Variants in PHF20 observed in about 807,000 individuals in gnomAD.
PHF20 encodes PHD finger protein 20, also known as glioma-expressed antigen 2.
A neutral mutation model predicts 113.5 loss-of-function variants in PHF20; 23 were observed. The observed-to-expected ratio is 0.20, with a 90% CI of 0.15 to 0.29. The LOEUF (loss-of-function observed/expected upper bound fraction) is 0.29. Among genes scored for constraint, PHF20 ranks in the 10% least tolerant of loss-of-function variants. PHF20 has a pLI of 1.00. For synonymous variants in PHF20, 434 were observed against 457.3 expected (o/e 0.95, Z 0.65); for missense variants, 943 against 1,219.6 (o/e 0.77, Z 3.38).
At chr20:35,896,706 C>G (rs1049163941) in intron 9 of PHF20, among the ~76,000 whole-genome samples, 1 of 148,592 alleles carries the variant, frequency 6.7e-6, no homozygotes, top group Non-Finnish European at 1.5e-5. Flanking sequence ...GAGGCTGAGG[C>G]TGGAGAATCG....
In PHF20 at chr20:35,931,231, T is replaced by C. The variant is rs2055745925; in HGVS notation, c.2105-18T>C. 1.9e-6 allele frequency: 3 copies of C among 1,593,992 alleles called. No homozygotes were observed. The East Asian group carries it at 6.8e-5, about 36-fold the overall frequency. On this transcript the variant is annotated intron_variant, in intron 14 of 17. Transcript: ENST00000374012. ...TCCTTCAGGCCTTGTTTTAACCCTC[T>C]TGTTGTCACTGCTGTAGGTCAGAGG...
intron 13 of PHF20, among the ~76,000 whole-genome samples, chr20:35,922,295 A>T (rs992211982): frequency 6.6e-6 from 1 of 152,228 alleles, no homozygotes; most frequent in African/African-American, 2.4e-5. Flanking sequence ...TTTCTACTCA[A>T]TAACTTTATC....
chr20:35,861,386 A>T (rs991177053), intron 5 of PHF20, among the ~76,000 whole-genome samples: 2 of 152,170 alleles, frequency 1.3e-5, no homozygotes, highest in South Asian at 4.1e-4. Flanking sequence ...GTTTTTTATT[A>T]AACGTACGTG....
intron 2 of PHF20, among the ~76,000 whole-genome samples, chr20:35,841,889 C>T (rs1163770829): frequency 6.6e-6 from 1 of 152,176 alleles, no homozygotes; most frequent in Non-Finnish European, 1.5e-5. Flanking sequence ...GATTTATTGG[C>T]ACATGTAAAA....
At position 35,850,872 on chromosome 20, in the gene PHF20, C is replaced by A. The variant is rs937348870; in HGVS notation, c.340+3438C>A. ...CCTTGCCATTGTTTGCTGAATGCTTCGAACTTGGAGATGACTGAGTTTGTT... is the reference window on the plus strand; with the variant it reads ...CCTTGCCATTGTTTGCTGAATGCTTAGAACTTGGAGATGACTGAGTTTGTT... On this transcript the variant is annotated intron_variant, in intron 4 of 17. Coordinates refer to ENST00000374012, the MANE Select transcript of PHF20 (RefSeq NM_016436.5). 1.4e-5 allele frequency: 16 copies of A among 1,105,226 alleles called. No homozygotes were observed. The African/African-American group carries it at 2.5e-4, about 17-fold the overall frequency. 68.5% of individuals were successfully genotyped at this position (1,105,226 alleles called of 1,614,324 possible).
intron 2 of PHF20, among the ~76,000 whole-genome samples, chr20:35,803,226 T>G (rs1316618346): frequency 6.8e-6 from 1 of 146,504 alleles, no homozygotes; most frequent in Non-Finnish European, 1.5e-5. Flanking sequence ...CACTCCAGCC[T>G]GGGTGACTGA....
intron 12 of PHF20, chr20:35,917,117 G>A (rs993492079): frequency 5.4e-6 from 2 of 371,134 alleles, no homozygotes; most frequent in Non-Finnish European, 1.1e-5. Context: ...TGTAAGCCAG[G>A]TCCTGACTGG....
In PHF20 at chr20:35,899,581, C is replaced by A; in HGVS notation, c.1494C>A (p.Gly498=). 1 of 1,614,102 alleles carries A rather than the reference C, an allele frequency of 6.2e-7. No individual in the cohort carries two copies. The highest frequency in any genetic ancestry group is 8.5e-7 in the Non-Finnish European group (1 of 1,180,020). The change falls in exon 10 of 18, where the codon GGC becomes GGA. Residue 498 remains glycine (G), a synonymous_variant. Coordinates refer to ENST00000374012, the MANE Select transcript of PHF20 (RefSeq NM_016436.5). ...GAAAGAGGCATGTCCAAACCAGGGG[C>A]CCTTCAGCTTCAGACAAGCCCAGCC... ...SPGKRHVQTR[G]PSASDKPSQE... is the part of the protein sequence containing the mutation.
chr20:35,804,113 C>T (rs898123087), intron 2 of PHF20, among the ~76,000 whole-genome samples: 1 of 151,818 alleles, frequency 6.6e-6, no homozygotes, highest in Non-Finnish European at 1.5e-5. Flanking sequence ...CTAGCTCTGT[C>T]ACCCAGGCTG....
intron 9 of PHF20, among the ~76,000 whole-genome samples, chr20:35,895,399 C>T (rs562791296): frequency 3.4e-4 from 51 of 152,142 alleles, no homozygotes; most frequent in Non-Finnish European, 6.6e-4. Flanking sequence ...TGCAAGTGAT[C>T]TGCCCGCCTC....
At chr20:35,913,202 C>G in intron 10 of PHF20, 47 bp from the exon 11 acceptor site, 2 of 1,368,672 alleles carry the variant, frequency 1.5e-6, no homozygotes, top group Non-Finnish European at 2.1e-6. Context: ...AGCACCCCAG[C>G]ATTGAAAACA....
At chr20:35,844,542 ACC>A (rs1491549561) in intron 3 of PHF20, among the ~76,000 whole-genome samples, 36 of 81,346 alleles carry the variant, frequency 4.4e-4, no homozygotes, top group Admixed American at 1.8e-3. Flanking sequence ...CTTCACCATC[ACC>A]ACACACACAC....
Position 35,926,298 on chromosome 20 carries a change from C to T in PHF20, c.2005-1482C>T, listed in dbSNP as rs200416039. Among the ~76,000 whole-genome samples the T allele has an allele frequency of 4.1e-4, 50 of 123,126 alleles. 1 individual carries two copies. The East Asian group carries it at 0.011, about 26-fold the overall frequency. 80.8% of individuals were successfully genotyped at this position (123,126 alleles called of 152,430 possible). The stretch of plus-strand genomic sequence containing the variant: ...TGTGGCCCAGGTGGGAGTGCAGTGG[C>T]GCAATCTCGGCTCACTGCAAGCTCC... On this transcript the variant is annotated intron_variant, in intron 13 of 17. Coordinates refer to ENST00000374012, the MANE Select transcript of PHF20 (RefSeq NM_016436.5).
At position 35,832,117 on chromosome 20, in the gene PHF20, A is replaced by G. The variant is rs1209824433; in HGVS notation, c.84-10456A>G. Among the ~76,000 whole-genome samples, 2 of 151,918 alleles carry G rather than the reference A, an allele frequency of 1.3e-5. 1 individual carries two copies. The highest frequency in any genetic ancestry group is 4.2e-4 in the South Asian group (2 of 4,814). On this transcript the variant is annotated intron_variant, in intron 2 of 17. Transcript: ENST00000374012. ...CTCTGTACTATGCTGATTTACTCCT[A>G]TTACATCTTCTCTCAGAAACTCTCC... is the stretch of plus-strand genomic sequence containing the variant.
At chr20:35,843,351 C>G (rs1234787014) in intron 3 of PHF20, among the ~76,000 whole-genome samples, 1 of 151,008 alleles carries the variant, frequency 6.6e-6, no homozygotes, top group Non-Finnish European at 1.5e-5. Flanking sequence ...AACCCCACCT[C>G]TACTAAAAAT....
chr20:35,890,902 TAAAACAAAAC>T (rs2054836661), intron 9 of PHF20, among the ~76,000 whole-genome samples: 2 of 151,728 alleles, frequency 1.3e-5, no homozygotes, highest in African/African-American at 4.8e-5. Context: ...CAAACAACAA[TAAAACAAAAC>T]AAAACTAAAC....
At chr20:35,773,794 G>C (rs1244362434) in intron 1 of PHF20, among the ~76,000 whole-genome samples, 1 of 152,144 alleles carries the variant, frequency 6.6e-6, no homozygotes, top group Non-Finnish European at 1.5e-5. Context: ...ACAGGACTCT[G>C]AATCCTCCTG....
chr20:35,794,685 T>G (rs2041632838), intron 1 of PHF20, among the ~76,000 whole-genome samples: 1 of 152,144 alleles, frequency 6.6e-6, no homozygotes, highest in African/African-American at 2.4e-5. Context: ...GTTCCAGAGT[T>G]TATTTCCCTC....
chr20:35,931,144 C>T, intron 14 of PHF20, 105 bp from the exon 15 acceptor site: 1 of 760,426 alleles, frequency 1.3e-6, no homozygotes, highest in Non-Finnish European at 2.2e-6. Flanking sequence ...AATGAGTATA[C>T]TAATCTGTTC....
Sources: allele counts gnomAD v4.1 joint callset (sites outside exome capture counted in the v4.1 genomes callset), GRCh38; gene constraint gnomAD v4.1.1; transcripts MANE v1.5; gene names NCBI Gene and HGNC (gene_info 2026-07-23, HGNC 2026-07-21).